Variants in LRRC20 observed in about 807,000 individuals in gnomAD.
LRRC20 encodes leucine rich repeat containing 20.
In LRRC20, 11 loss-of-function variants were observed where a neutral mutation model predicts 14.4. The ratio of observed to expected loss-of-function variants is 0.77; its 90% CI spans 0.48 to 1.27. The LOEUF is 1.27. Ranked by LOEUF, LRRC20 falls within the 50% of genes most tolerant of loss-of-function variation. LRRC20 has a pLI of 0.00. For missense variants in LRRC20, 219 were observed against 251.2 expected (o/e 0.87, Z 0.87); for synonymous variants, 121 against 107.3 (o/e 1.13, Z -0.79).
intron 2 of LRRC20, among the ~76,000 whole-genome samples, chr10:70,342,779 T>G: frequency 6.6e-6 from 1 of 152,126 alleles, no homozygotes; most frequent in East Asian, 1.9e-4. Context: ...CCATCTCATC[T>G]CTTCCAGAAG....
At chr10:70,354,383 A>G (rs747635283) in intron 2 of LRRC20, among the ~76,000 whole-genome samples, 3 of 152,162 alleles carry the variant, frequency 2.0e-5, no homozygotes, top group Non-Finnish European at 2.9e-5. Flanking sequence ...ATTTCCACCC[A>G]GCAGGTCCAA....
chr10:70,341,857 G>T (rs1386136091), intron 2 of LRRC20, among the ~76,000 whole-genome samples: 1 of 152,204 alleles, frequency 6.6e-6, no homozygotes, highest in Non-Finnish European at 1.5e-5. Context: ...TGTGATGCCA[G>T]GCAAAAGCCA....
intron 2 of LRRC20, among the ~76,000 whole-genome samples, chr10:70,375,538 T>C (rs1259697861): frequency 1.3e-5 from 2 of 152,030 alleles, no homozygotes; most frequent in Admixed American, 6.5e-5. Context: ...GTAACTACCA[T>C]GGAAGGAAGC....
chr10:70,365,967 G>A (rs375259252), intron 2 of LRRC20, among the ~76,000 whole-genome samples: 2 of 151,738 alleles, frequency 1.3e-5, no homozygotes, highest in Non-Finnish European at 2.9e-5. Context: ...TACTCAGGAG[G>A]CTGAGGCAGG....
At chr10:70,366,391 C>A (rs1293319802) in intron 2 of LRRC20, among the ~76,000 whole-genome samples, 2 of 151,802 alleles carry the variant, frequency 1.3e-5, no homozygotes, top group Non-Finnish European at 2.9e-5. Flanking sequence ...CCACTGTACT[C>A]CAGCCTGGGT....
intron 2 of LRRC20, among the ~76,000 whole-genome samples, chr10:70,354,537 T>G (rs1043612677): frequency 1.3e-5 from 2 of 152,122 alleles, no homozygotes; most frequent in Admixed American, 1.3e-4. Flanking sequence ...TCAGAAACTC[T>G]GGGGGTAAGG....
intron 4 of LRRC20, among the ~76,000 whole-genome samples, chr10:70,314,968 C>T (rs914637534): frequency 1.3e-5 from 2 of 152,174 alleles, no homozygotes; most frequent in African/African-American, 4.8e-5. Flanking sequence ...AAGCACTGTC[C>T]TGAATAGCTA....
chr10:70,309,507 C>T (rs1388038484), intron 4 of LRRC20, among the ~76,000 whole-genome samples: 3 of 152,176 alleles, frequency 2.0e-5, no homozygotes, highest in African/African-American at 7.2e-5. Context: ...GGCCCCCGGC[C>T]CCCAGAAGAT....
chr10:70,353,562 CAT>C (rs1843404486), intron 2 of LRRC20, among the ~76,000 whole-genome samples: 1 of 152,112 alleles, frequency 6.6e-6, no homozygotes, highest in Non-Finnish European at 1.5e-5. Context: ...GGACTACAGG[CAT>C]GCACCACCAC....
intron 4 of LRRC20, among the ~76,000 whole-genome samples, chr10:70,307,953 C>T (rs1027792536): frequency 9.2e-5 from 14 of 152,240 alleles, no homozygotes; most frequent in African/African-American, 1.9e-4. Context: ...GGCCTGCATC[C>T]GCTGAGCAGC....
chr10:70,376,244 C>A (rs10999304), intron 2 of LRRC20, among the ~76,000 whole-genome samples: 1 of 152,228 alleles, frequency 6.6e-6, no homozygotes, highest in Non-Finnish European at 1.5e-5. Flanking sequence ...GGCGCCATCA[C>A]TCAGTGGTTT....
intron 2 of LRRC20, among the ~76,000 whole-genome samples, chr10:70,373,786 A>G (rs1250996537): frequency 6.6e-6 from 1 of 152,206 alleles, no homozygotes; most frequent in Non-Finnish European, 1.5e-5. Flanking sequence ...TGGTGGAGAC[A>G]GGGCCCAGGC....
At chr10:70,351,909 C>G (rs1017109218) in intron 2 of LRRC20, among the ~76,000 whole-genome samples, 1 of 152,128 alleles carries the variant, frequency 6.6e-6, no homozygotes. Context: ...GTTATGAAGA[C>G]TTAAGGCTCA....
At chr10:70,310,479 G>A (rs1410969101) in intron 4 of LRRC20, among the ~76,000 whole-genome samples, 3 of 152,200 alleles carry the variant, frequency 2.0e-5, no homozygotes, top group Non-Finnish European at 4.4e-5. Flanking sequence ...GCTCAAGGGC[G>A]GCTTCCTTTG....
chr10:70,338,446 T>A (rs1842789038), intron 3 of LRRC20, among the ~76,000 whole-genome samples: 1 of 152,194 alleles, frequency 6.6e-6, no homozygotes, highest in South Asian at 2.1e-4. Context: ...TAGACCCTTT[T>A]CATATCCCTA....
At chr10:70,353,879 G>T (rs1293700564) in intron 2 of LRRC20, among the ~76,000 whole-genome samples, 1 of 152,102 alleles carries the variant, frequency 6.6e-6, no homozygotes, top group Non-Finnish European at 1.5e-5. Flanking sequence ...GATCTTCCAT[G>T]ATTTACAATG....
At chr10:70,376,675 C>A in intron 1 of LRRC20, 79 bp from the exon 2 acceptor site, 1 of 729,532 alleles carries the variant, frequency 1.4e-6, no homozygotes, top group South Asian at 1.7e-5. Flanking sequence ...GCATCCTTCT[C>A]CCCCAGGACC....
rs986648235 is a variant in LRRC20, at chr10:70,361,001, G to A, written c.82+15451C>T. Among the ~76,000 whole-genome samples the A allele has an allele frequency of 2.0e-5, 3 of 148,888 alleles. No individual in the cohort carries two copies. The South Asian group carries it at 6.4e-4, about 32-fold the overall frequency. ...GACGGTTGAGGCTGCAGTGAGCTAT[G>A]ATCATGCCACTGCACCCGACTGGAA... On this transcript the variant is annotated intron_variant, in intron 2 of 4. Transcript: ENST00000446961.
chr10:70,310,107 G>A (rs115875714), intron 4 of LRRC20, among the ~76,000 whole-genome samples: 2,680 of 152,316 alleles, frequency 0.018, 94 homozygotes, highest in African/African-American at 0.061. Flanking sequence ...AGGAAGGAGC[G>A]ATGGGACCAT....
Sources: gnomAD v4.1 joint callset for allele counts (sites outside exome capture counted in the v4.1 genomes callset) on GRCh38, gnomAD v4.1.1 for gene constraint, MANE v1.5 for transcripts, NCBI Gene and HGNC (gene_info 2026-07-23, HGNC 2026-07-21) for gene names.